The following BNC2 variants were observed in gnomAD, a reference collection of about 807,000 sequenced individuals.
BNC2 encodes zinc finger protein basonuclin-2.
Under a neutral mutation model 76.3 loss-of-function variants are expected in BNC2, and 20 were observed. The ratio of observed to expected loss-of-function variants is 0.26; its 90% CI spans 0.18 to 0.38. The LOEUF (loss-of-function observed/expected upper bound fraction) is 0.38. Ranked by LOEUF, BNC2 falls within the 10% of genes least tolerant of loss-of-function variation. BNC2 has a pLI of 1.00. For synonymous variants in BNC2, 582 were observed against 514.8 expected (o/e 1.13, Z -1.77); for missense variants, 1,382 against 1,399.8 (o/e 0.99, Z 0.20).
At chr9:16,830,604 T>C (rs1194950997) in intron 1 of BNC2, among the ~76,000 whole-genome samples, 2 of 152,228 alleles carry the variant, frequency 1.3e-5, no homozygotes, top group Non-Finnish European at 2.9e-5. Flanking sequence ...AAACCATGGA[T>C]ACAGAAGGCC....
intron 1 of BNC2, among the ~76,000 whole-genome samples, chr9:16,863,957 G>A (rs917455726): frequency 1.3e-5 from 2 of 152,066 alleles, no homozygotes; most frequent in African/African-American, 4.8e-5. Flanking sequence ...GGTAAAGAGG[G>A]ACAAATGTAT....
At chr9:16,622,936 G>C (rs1201533171) in intron 3 of BNC2, among the ~76,000 whole-genome samples, 3 of 151,770 alleles carry the variant, frequency 2.0e-5, no homozygotes, top group East Asian at 1.9e-4. Context: ...TTATTCTCTG[G>C]GTACCCTAAT....
intron 1 of BNC2, among the ~76,000 whole-genome samples, chr9:16,858,837 C>A (rs1359843226): frequency 2.0e-5 from 3 of 150,502 alleles, no homozygotes; most frequent in South Asian, 2.1e-4. Flanking sequence ...AAGAGGGAGA[C>A]TCCATCTCAA....
At chr9:16,474,196 A>G (rs1821883666) in intron 5 of BNC2, among the ~76,000 whole-genome samples, 1 of 152,234 alleles carries the variant, frequency 6.6e-6, no homozygotes, top group Admixed American at 6.5e-5. Context: ...TTGCATACTG[A>G]ATAAAAGTTA....
At chr9:16,741,957 CAAAA>C (rs35573018) in intron 1 of BNC2, among the ~76,000 whole-genome samples, 5 of 79,398 alleles carry the variant, frequency 6.3e-5, no homozygotes, top group African/African-American at 2.6e-4. Flanking sequence ...GGCTCCATCT[CAAAA>C]AAAAAAAAAA....
intron 3 of BNC2, among the ~76,000 whole-genome samples, chr9:16,698,657 G>A (rs1037348232): frequency 6.6e-5 from 10 of 151,984 alleles, no homozygotes; most frequent in Admixed American, 2.0e-4. Context: ...TGGCGCCACC[G>A]CACTCCAGCC....
intron 1 of BNC2, among the ~76,000 whole-genome samples, chr9:16,790,460 T>C (rs898656122): frequency 6.6e-6 from 1 of 152,180 alleles, no homozygotes; most frequent in African/African-American, 2.4e-5. Flanking sequence ...AATTGTTTTA[T>C]TTATTTATAA....
intron 1 of BNC2, among the ~76,000 whole-genome samples, chr9:16,752,757 T>C (rs1416343047): frequency 6.6e-6 from 1 of 152,240 alleles, no homozygotes; most frequent in Non-Finnish European, 1.5e-5. Flanking sequence ...ATACAATAAC[T>C]TGCCGTATTT....
At chr9:16,830,500 A>T (rs543263107) in intron 1 of BNC2, among the ~76,000 whole-genome samples, 1 of 152,224 alleles carries the variant, frequency 6.6e-6, no homozygotes, top group Non-Finnish European at 1.5e-5. Context: ...ATGACAAGAA[A>T]ATATTCTATA....
intron 1 of BNC2, among the ~76,000 whole-genome samples, chr9:16,836,509 T>C (rs980954003): frequency 6.6e-6 from 1 of 150,546 alleles, no homozygotes; most frequent in African/African-American, 2.4e-5. Context: ...CAGCTCTTCC[T>C]TTCAGGAGAA....
chr9:16,822,032 G>A (rs1471735702), intron 1 of BNC2, among the ~76,000 whole-genome samples: 1 of 147,870 alleles, frequency 6.8e-6, no homozygotes, highest in Admixed American at 6.9e-5. Flanking sequence ...AGCGGAGCCT[G>A]CAGTGAGCCG....
intron 3 of BNC2, among the ~76,000 whole-genome samples, chr9:16,707,983 C>T (rs1325379882): frequency 1.3e-5 from 2 of 152,066 alleles, no homozygotes; most frequent in South Asian, 4.2e-4. Context: ...TATGGTATAG[C>T]GATGCATCAC....
At chr9:16,517,164 AC>A (rs1021988728) in intron 5 of BNC2, among the ~76,000 whole-genome samples, 3 of 152,200 alleles carry the variant, frequency 2.0e-5, no homozygotes, top group Non-Finnish European at 4.4e-5. Context: ...AGGGTTATTT[AC>A]TGTTGTGTAT....
At chr9:16,622,741 A>G (rs118171438) in intron 3 of BNC2, among the ~76,000 whole-genome samples, 4 of 152,230 alleles carry the variant, frequency 2.6e-5, no homozygotes, top group Admixed American at 6.6e-5. Flanking sequence ...GGCCAGGAGG[A>G]GGGTATTTTT....
chr9:16,496,317 T>C (rs181396776), intron 5 of BNC2, among the ~76,000 whole-genome samples: 34 of 152,338 alleles, frequency 2.2e-4, no homozygotes, highest in Admixed American at 2.0e-3. Flanking sequence ...TTTACTAAGA[T>C]AAAGAATTCG....
At chr9:16,465,359 C>T (rs566706781) in intron 5 of BNC2, among the ~76,000 whole-genome samples, 18 of 147,340 alleles carry the variant, frequency 1.2e-4, no homozygotes, top group Admixed American at 1.2e-3. Context: ...TCGCTTGAAC[C>T]CAAAAGGCAG....
At chr9:16,534,837 A>G (rs1382206231) in intron 5 of BNC2, among the ~76,000 whole-genome samples, 1 of 152,198 alleles carries the variant, frequency 6.6e-6, no homozygotes, top group Admixed American at 6.5e-5. Context: ...CAAAACTTTT[A>G]TACTTTGGCT....
rs1040535971 is a variant in BNC2 at position 16,501,181 on chromosome 9, C to T, written c.669+51349G>A. On this transcript the variant is annotated intron_variant, in intron 5 of 6. Transcript: ENST00000380672. The stretch of plus-strand genomic sequence containing the variant: ...TAACGCACTTAAAATTATATATGTG[C>T]TCTCTAATGCTATTATGATTGTACA... 8.0e-4 allele frequency among the ~76,000 whole-genome samples: 121 copies of T among 152,128 alleles called. 3 individuals carry two copies. Among genetic ancestry groups the T allele is most frequent in the Non-Finnish European group, 1.0e-4 (7 of 68,034 alleles).
intron 3 of BNC2, among the ~76,000 whole-genome samples, chr9:16,647,003 C>T (rs1325353334): frequency 6.6e-6 from 1 of 151,964 alleles, no homozygotes; most frequent in East Asian, 1.9e-4. Flanking sequence ...CATGAGAGAG[C>T]AAGTTAAAAG....
Sources: allele counts gnomAD v4.1 joint callset (sites outside exome capture counted in the v4.1 genomes callset), GRCh38; gene constraint gnomAD v4.1.1; transcripts MANE v1.5; gene names NCBI Gene and HGNC (gene_info 2026-07-23, HGNC 2026-07-21).